The following STXBP4 variants were observed in gnomAD, a reference collection of about 807,000 sequenced individuals.
STXBP4 encodes the protein syntaxin-binding protein 4.
STXBP4 carries 55 observed loss-of-function variants against 76.1 expected under a neutral mutation model. The observed-to-expected ratio is 0.72, with a 90% CI of 0.58 to 0.91. STXBP4 has a LOEUF of 0.91. Ranked by LOEUF, STXBP4 falls within the 40% of genes least tolerant of loss-of-function variation. The pLI is 0.00. For missense variants in STXBP4, 618 were observed against 636.9 expected, an observed-to-expected ratio of 0.97 and a Z score of 0.32; for synonymous variants, 201 against 220.2, an observed-to-expected ratio of 0.91 and a Z score of 0.77.
chr17:55,157,822 A>G (rs1228096811), intron 17 of STXBP4, among the ~76,000 whole-genome samples: 3 of 152,196 alleles, frequency 2.0e-5, no homozygotes, highest in African/African-American at 4.8e-5. Context: ...CATTTTCAGT[A>G]TTGTAATCAG....
At chr17:55,123,164 A>G (rs2079865169) in intron 16 of STXBP4, among the ~76,000 whole-genome samples, 1 of 152,172 alleles carries the variant, frequency 6.6e-6, no homozygotes, top group African/African-American at 2.4e-5. Context: ...TAGTAGTTAG[A>G]TAAGTTCTTG....
At chr17:55,098,005 T>G (rs1188497910) in intron 16 of STXBP4, among the ~76,000 whole-genome samples, 1 of 152,166 alleles carries the variant, frequency 6.6e-6, no homozygotes, top group Non-Finnish European at 1.5e-5. Flanking sequence ...ATATCACCAT[T>G]ATCATCATCA....
intron 12 of STXBP4, among the ~76,000 whole-genome samples, chr17:55,056,069 G>C (rs1251912941): frequency 6.6e-6 from 1 of 152,102 alleles, no homozygotes; most frequent in East Asian, 1.9e-4. Flanking sequence ...CAGATAAAAG[G>C]CTGTTGTAAT....
At position 55,166,854 on chromosome 17, in the gene STXBP4, T is replaced by A. The variant is rs1228196801; in HGVS notation, c.*6943T>A. The A allele has an allele frequency of 6.6e-6, 1 of 152,228 alleles. No homozygotes were observed. Among genetic ancestry groups the A allele is most frequent in the Non-Finnish European group, 1.5e-5 (1 of 68,072 alleles). 9.4% of individuals were successfully genotyped at this position (152,228 alleles called of 1,614,324 possible). A position where few individuals can be genotyped will look rare whatever the true frequency, so the allele number is the denominator to read the frequency against. On this transcript the variant is annotated 3_prime_UTR_variant, in exon 18 of 18. Coordinates refer to ENST00000376352, the MANE Select transcript of STXBP4 (RefSeq NM_178509.6). ...GTTACTGAGTCTTAGAGGCTTGAAA[T>A]CTGGTTCTACCTTCTCTTTCTCCAT...
At chr17:55,078,880 G>A (rs2144900622) in intron 15 of STXBP4, 145 bp downstream of exon 15, 1 of 614,506 alleles carries the variant, frequency 1.6e-6, no homozygotes, top group Non-Finnish European at 2.9e-6. Flanking sequence ...GGAAATAGAT[G>A]CAAGGACATA....
chr17:55,102,639 C>T (rs539873144), intron 16 of STXBP4, among the ~76,000 whole-genome samples: 14 of 152,224 alleles, frequency 9.2e-5, no homozygotes, highest in South Asian at 8.3e-4. Context: ...TGGGTATATA[C>T]GCAGTAATGG....
intron 8 of STXBP4, among the ~76,000 whole-genome samples, chr17:55,018,185 C>G (rs748708661): frequency 6.6e-6 from 1 of 152,140 alleles, no homozygotes; most frequent in African/African-American, 2.4e-5. Flanking sequence ...ACCCACAGAA[C>G]CCAGTGACTA....
intron 16 of STXBP4, among the ~76,000 whole-genome samples, chr17:55,097,608 A>G (rs1346740037): frequency 6.6e-6 from 1 of 151,744 alleles, no homozygotes; most frequent in Non-Finnish European, 1.5e-5. Flanking sequence ...GCTTGCAATG[A>G]GCTGAGGTTG....
At chr17:55,048,427 T>C (rs995358720) in intron 12 of STXBP4, among the ~76,000 whole-genome samples, 7 of 151,750 alleles carry the variant, frequency 4.6e-5, no homozygotes, top group Non-Finnish European at 1.0e-4. Flanking sequence ...ATAAAACGAC[T>C]GAAAAAGTCA....
chr17:55,188,018 T>A, the STXBP4 span, among the ~76,000 whole-genome samples: 5 of 152,136 alleles, frequency 3.3e-5, no homozygotes, highest in African/African-American at 1.2e-4. Context: ...TCATATCCAT[T>A]TTACAGATGA....
chr17:55,180,960 A>C, the STXBP4 span, among the ~76,000 whole-genome samples: 1 of 152,336 alleles, frequency 6.6e-6, no homozygotes, highest in African/African-American at 2.4e-5. Context: ...AACTGACACA[A>C]AACAATCCAT....
At chr17:55,104,620 A>C (rs553250119) in intron 16 of STXBP4, among the ~76,000 whole-genome samples, 303 of 152,240 alleles carry the variant, frequency 2.0e-3, no homozygotes, top group Non-Finnish European at 3.2e-3. Flanking sequence ...AGGTTTTGGT[A>C]TCAGGATGAT....
At chr17:55,019,145 A>T (rs1415087595) in intron 8 of STXBP4, among the ~76,000 whole-genome samples, 1 of 152,186 alleles carries the variant, frequency 6.6e-6, no homozygotes, top group African/African-American at 2.4e-5. Flanking sequence ...TTTATTCTAC[A>T]TTATAATATA....
At chr17:55,204,041 G>A in the STXBP4 span, among the ~76,000 whole-genome samples, 6 of 151,736 alleles carry the variant, frequency 4.0e-5, no homozygotes, top group African/African-American at 1.5e-4. Flanking sequence ...ACATTCTTCT[G>A]TTCTATTTTA....
chr17:55,107,407 G>T (rs969601925), intron 16 of STXBP4, among the ~76,000 whole-genome samples: 3 of 152,106 alleles, frequency 2.0e-5, no homozygotes, highest in Non-Finnish European at 4.4e-5. Flanking sequence ...AAAGGAGTTT[G>T]TTATTACCCA....
chr17:55,018,801 T>C (rs2078254470), intron 8 of STXBP4, among the ~76,000 whole-genome samples: 1 of 152,140 alleles, frequency 6.6e-6, no homozygotes, highest in Non-Finnish European at 1.5e-5. Context: ...TAAAGAACAT[T>C]GATCAGTTAG....
downstream of STXBP4, among the ~76,000 whole-genome samples, chr17:55,175,663 G>C (rs757665970): frequency 1.5e-4 from 23 of 152,220 alleles, 1 homozygote; most frequent in Non-Finnish European, 3.1e-4. Flanking sequence ...AGAGTCGGGG[G>C]ACAAAGGGGA....
intron 16 of STXBP4, among the ~76,000 whole-genome samples, chr17:55,125,499 A>AAAAT (rs1402147171): frequency 1.3e-5 from 2 of 149,964 alleles, no homozygotes; most frequent in African/African-American, 5.0e-5. Flanking sequence ...AAAAAAAAAA[A>AAAAT]ATACAATTGA....
At chr17:55,042,022 A>T (rs974626604) in intron 10 of STXBP4, among the ~76,000 whole-genome samples, 4 of 152,174 alleles carry the variant, frequency 2.6e-5, no homozygotes, top group Non-Finnish European at 5.9e-5. Context: ...AATGTAGATC[A>T]TGTAAATTAT....
Sources: gnomAD v4.1 joint callset for allele counts (sites outside exome capture counted in the v4.1 genomes callset) on GRCh38, gnomAD v4.1.1 for gene constraint, MANE v1.5 for transcripts, NCBI Gene and HGNC (gene_info 2026-07-23, HGNC 2026-07-21) for gene names.